Variants in NALF1 observed in about 807,000 individuals in gnomAD.
NALF1 encodes family with sequence similarity 155 member A.
NALF1 carries 3 observed loss-of-function variants against 48.4 expected under a neutral mutation model. That is an observed-to-expected ratio of 0.06 (90% CI 0.03 to 0.16). The LOEUF (loss-of-function observed/expected upper bound fraction) is 0.16. Among genes scored for constraint, NALF1 ranks in the 10% least tolerant of loss-of-function variants. The probability of loss-of-function intolerance (pLI) is 1.00; values close to 1 mark genes in which losing one functional copy is unlikely to be tolerated. For missense variants in NALF1, 526 were observed against 571.5 expected, an observed-to-expected ratio of 0.92 and a Z score of 0.81; for synonymous variants, 262 against 245.7, an observed-to-expected ratio of 1.07 and a Z score of -0.62.
chr13:107,821,352 T>C (rs1879356906), intron 1 of NALF1, among the ~76,000 whole-genome samples: 2 of 152,180 alleles, frequency 1.3e-5, no homozygotes. Context: ...ATATGTCTTT[T>C]AGGCAGAAAT....
At chr13:107,786,686 C>T (rs549522625) in intron 1 of NALF1, among the ~76,000 whole-genome samples, 123 of 151,900 alleles carry the variant, frequency 8.1e-4, no homozygotes, top group Non-Finnish European at 5.0e-4. Context: ...GAGCCAAGAT[C>T]GCGCCACTGC....
At chr13:107,176,268 T>G (rs1311269337) in intron 2 of NALF1, among the ~76,000 whole-genome samples, 2 of 151,680 alleles carry the variant, frequency 1.3e-5, no homozygotes, top group Non-Finnish European at 2.9e-5. Flanking sequence ...ATTTGAAATC[T>G]CTAGTGAATC....
rs1476729229 is a variant in NALF1 at position 107,169,096 on chromosome 13, G to A, written c.*1401C>T. The stretch of plus-strand genomic sequence containing the variant: ...AAAGCAAATTCATGTACACTCAGCA[G>A]GTGAAATGTTCCCACAAAGAAAATA... On this transcript the variant is annotated 3_prime_UTR_variant, in exon 3 of 3. Coordinates refer to ENST00000375915, the MANE Select transcript of NALF1 (RefSeq NM_001080396.3). 1.3e-5 allele frequency: 2 copies of A among 152,470 alleles called. No individual in the cohort carries two copies. Among genetic ancestry groups the A allele is most frequent in the East Asian group, 3.9e-4 (2 of 5,194 alleles). The allele number at this position is 152,470 out of a possible 1,614,324, so 9.4% of individuals were successfully genotyped here.
Position 107,384,288 on chromosome 13 carries a change from C to CA in NALF1, c.916-173534dup, listed in dbSNP as rs548835359. Among the ~76,000 whole-genome samples, 33 of 151,226 alleles carry CA rather than the reference C, an allele frequency of 2.2e-4. No homozygotes were observed. In the South Asian group the frequency reaches 5.3e-3, roughly 24 times the overall value. ...CAAAACAAAACAAAACAAAAACAAA[C>CA]AAAAAAAACCCTGCCTGCTCTGTAT... On this transcript the variant is annotated intron_variant, in intron 1 of 2. Coordinates refer to ENST00000375915, the MANE Select transcript of NALF1 (RefSeq NM_001080396.3).
chr13:107,626,278 GA>G (rs1879672079), intron 1 of NALF1, among the ~76,000 whole-genome samples: 1 of 151,950 alleles, frequency 6.6e-6, no homozygotes. Context: ...TCTACAATGA[GA>G]TACTGGCTAA....
At chr13:107,405,690 G>A (rs1457852775) in intron 1 of NALF1, among the ~76,000 whole-genome samples, 1 of 152,000 alleles carries the variant, frequency 6.6e-6, no homozygotes, top group Admixed American at 6.6e-5. Context: ...TGGCCACACT[G>A]ATTAAAGAGG....
At chr13:107,437,711 C>T (rs150440869) in intron 1 of NALF1, among the ~76,000 whole-genome samples, 2 of 152,224 alleles carry the variant, frequency 1.3e-5, no homozygotes, top group East Asian at 1.9e-4. Flanking sequence ...ATGGCTATTG[C>T]TAAAAAGGGG....
chr13:107,410,337 C>T (rs76809870), intron 1 of NALF1, among the ~76,000 whole-genome samples: 3,211 of 152,200 alleles, frequency 0.021, 120 homozygotes, highest in African/African-American at 0.073. Context: ...TGTGTGTCTC[C>T]TTGTCTTCCC....
intron 1 of NALF1, among the ~76,000 whole-genome samples, chr13:107,585,685 C>T (rs1878435525): frequency 6.6e-6 from 1 of 152,104 alleles, no homozygotes; most frequent in African/African-American, 2.4e-5. Flanking sequence ...GCCTCATAAC[C>T]CAGCTGACAG....
chr13:107,227,483 T>C (rs970970172), intron 1 of NALF1, among the ~76,000 whole-genome samples: 1 of 152,252 alleles, frequency 6.6e-6, no homozygotes, highest in African/African-American at 2.4e-5. Flanking sequence ...AAGAATGAAC[T>C]TGAACTTTCT....
chr13:107,412,641 T>A (rs183407988), intron 1 of NALF1, among the ~76,000 whole-genome samples: 5 of 152,340 alleles, frequency 3.3e-5, no homozygotes, highest in African/African-American at 1.2e-4. Context: ...CATATGTTTT[T>A]CATGTCACTG....
chr13:107,427,762 CT>C (rs2139014135), intron 1 of NALF1, among the ~76,000 whole-genome samples: 1 of 152,250 alleles, frequency 6.6e-6, no homozygotes, highest in African/African-American at 2.4e-5. Flanking sequence ...CAAGCTTCCT[CT>C]TTTGAGTAGC....
At chr13:107,229,260 G>A (rs889549946) in intron 1 of NALF1, among the ~76,000 whole-genome samples, 1 of 152,006 alleles carries the variant, frequency 6.6e-6, no homozygotes, top group Non-Finnish European at 1.5e-5. Flanking sequence ...TCTATTATGA[G>A]AAATACATGT....
intron 1 of NALF1, among the ~76,000 whole-genome samples, chr13:107,351,525 C>T (rs538912089): frequency 6.6e-6 from 1 of 152,252 alleles, no homozygotes; most frequent in African/African-American, 2.4e-5. Context: ...AGAACACTTG[C>T]CCAGTAACAG....
intron 1 of NALF1, among the ~76,000 whole-genome samples, chr13:107,627,770 G>A (rs1879718934): frequency 6.6e-6 from 1 of 152,040 alleles, no homozygotes. Context: ...CTGCTTTCCA[G>A]AGAGAAAGTA....
At chr13:107,178,118 GAA>G (rs939689281) in intron 2 of NALF1, among the ~76,000 whole-genome samples, 1 of 152,038 alleles carries the variant, frequency 6.6e-6, no homozygotes. Flanking sequence ...AAACACTAGG[GAA>G]AGTCTCCAGG....
At chr13:107,402,754 T>A (rs1883830266) in intron 1 of NALF1, among the ~76,000 whole-genome samples, 1 of 152,146 alleles carries the variant, frequency 6.6e-6, no homozygotes, top group Admixed American at 6.6e-5. Context: ...TCAGTTTCCT[T>A]GCCTAGAAAC....
At position 107,399,293 on chromosome 13, in the gene NALF1, C is replaced by T. The variant is rs150154946; in HGVS notation, c.916-188538G>A. On this transcript the variant is annotated intron_variant, in intron 1 of 2. Coordinates refer to ENST00000375915, the MANE Select transcript of NALF1 (RefSeq NM_001080396.3). ...AGTGTTGTTGAACGTTTTATGTAAA[C>T]ATAGATAATTGTGTGTGTGTGTTTT... 2.0e-3 allele frequency among the ~76,000 whole-genome samples: 299 copies of T among 152,180 alleles called. 1 individual carries two copies. The highest frequency in any genetic ancestry group is 6.4e-3 in the African/African-American group (264 of 41,528).
chr13:107,477,237 G>T (rs1311999641), intron 1 of NALF1, among the ~76,000 whole-genome samples: 1 of 152,102 alleles, frequency 6.6e-6, no homozygotes, highest in Admixed American at 6.6e-5. Flanking sequence ...ATTTGCTCAG[G>T]AAGATAAAGC....
Sources: gnomAD v4.1 joint callset for allele counts (sites outside exome capture counted in the v4.1 genomes callset) on GRCh38, gnomAD v4.1.1 for gene constraint, MANE v1.5 for transcripts, NCBI Gene and HGNC (gene_info 2026-07-23, HGNC 2026-07-21) for gene names.